Variants in FAM168B observed in about 807,000 individuals in gnomAD.
The protein encoded by FAM168B is myelin-associated neurite-outgrowth inhibitor.
A neutral mutation model predicts 21.8 loss-of-function variants in FAM168B; 19 were observed. The observed-to-expected ratio is 0.87, with a 90% CI of 0.61 to 1.28. FAM168B has a LOEUF of 1.28. Ranked by LOEUF, FAM168B falls within the 50% of genes most tolerant of loss-of-function variation. FAM168B has a pLI of 0.00. For synonymous variants in FAM168B, 126 were observed against 104.8 expected, an observed-to-expected ratio of 1.20 and a Z score of -1.24; for missense variants, 233 against 263.1, an observed-to-expected ratio of 0.89 and a Z score of 0.79.
At chr2:131,092,620 C>A (rs1349881854) in intron 1 of FAM168B, among the ~76,000 whole-genome samples, 1 of 152,278 alleles carries the variant, frequency 6.6e-6, no homozygotes, top group Middle Eastern at 3.4e-3. Flanking sequence ...ATGCACACTT[C>A]ATGTTCACAT....
rs769121141 is a variant in FAM168B, at chr2:131,051,256, G to A, written c.*1209C>T. The A allele has an allele frequency of 2.4e-4, 237 of 985,138 alleles. 1 individual carries two copies. The highest frequency in any genetic ancestry group is 2.7e-4 in the Non-Finnish European group (226 of 829,916). 61.0% of individuals were successfully genotyped at this position (985,138 alleles called of 1,614,324 possible). On this transcript the variant is annotated 3_prime_UTR_variant, in exon 7 of 7. Coordinates refer to ENST00000389915, the MANE Select transcript of FAM168B (RefSeq NM_001009993.4). ...CTCAGCAGACAAGTCACCACCATCAGGTGGGTGATCCCAGAAGCAGCTACA... is the reference window on the plus strand; with the variant it reads ...CTCAGCAGACAAGTCACCACCATCAAGTGGGTGATCCCAGAAGCAGCTACA...
In FAM168B at chr2:131,051,356, G is replaced by C; in HGVS notation, c.*1109C>G. 1.0e-6 allele frequency: 1 copy of C among 985,178 alleles called. No individual in the cohort carries two copies. Among genetic ancestry groups the C allele is most frequent in the Non-Finnish European group, 1.2e-6 (1 of 829,904 alleles). 61.0% of individuals were successfully genotyped at this position (985,178 alleles called of 1,614,324 possible). On this transcript the variant is annotated 3_prime_UTR_variant, in exon 7 of 7. Transcript: ENST00000389915. Reference sequence around the variant, plus strand: ...TTGGAGGAATTTTAAATAAAGTTTTGTTCCCTTTTAACTCATTCTTAAATA... The same window carrying C: ...TTGGAGGAATTTTAAATAAAGTTTTCTTCCCTTTTAACTCATTCTTAAATA...
At chr2:131,068,944 AAGTCGAGGCTGC>A (rs1166472972) in intron 3 of FAM168B, among the ~76,000 whole-genome samples, 1 of 152,146 alleles carries the variant, frequency 6.6e-6, no homozygotes, top group Non-Finnish European at 1.5e-5. Flanking sequence ...TGAGCCTGAA[AAGTCGAGGCTGC>A]AGTGAGGCGT....
chr2:131,082,997 G>A (rs947272796), intron 1 of FAM168B, among the ~76,000 whole-genome samples: 1 of 152,084 alleles, frequency 6.6e-6, no homozygotes, highest in Admixed American at 6.6e-5. Flanking sequence ...GAGGTGGGCA[G>A]ATCACCTGAG....
rs767891364 is a variant in FAM168B, at chr2:131,055,536, T to C, written c.297+17A>G. 4 of 1,601,976 alleles carry C rather than the reference T, an allele frequency of 2.5e-6. No individual in the cohort carries two copies. The East Asian group carries it at 6.7e-5, about 27-fold the overall frequency. On this transcript the variant is annotated intron_variant, in intron 4 of 6. Transcript: ENST00000389915. The stretch of plus-strand genomic sequence containing the variant: ...GGTATCACCCCTTCCCACACAGCAG[T>C]GTGTACCCAAGCATACCTGTGCATA...
chr2:131,087,182 C>T (rs537124345), intron 1 of FAM168B, among the ~76,000 whole-genome samples: 1 of 151,190 alleles, frequency 6.6e-6, no homozygotes, highest in Non-Finnish European at 1.5e-5. Flanking sequence ...TAAAGGGCAG[C>T]GTTAGGCCAG....
intron 5 of FAM168B, among the ~76,000 whole-genome samples, chr2:131,054,635 CAGG>C (rs1314046476): frequency 1.3e-5 from 2 of 152,172 alleles, no homozygotes; most frequent in Non-Finnish European, 1.5e-5. Context: ...ACCCAGAGAC[CAGG>C]AGGTGAATCC....
chr2:131,066,336 C>T (rs1279459515), intron 3 of FAM168B, among the ~76,000 whole-genome samples: 1 of 151,906 alleles, frequency 6.6e-6, no homozygotes, highest in African/African-American at 2.4e-5. Flanking sequence ...CCACCACACC[C>T]GGCTAATTTT....
chr2:131,083,426 G>C (rs1693521460), intron 1 of FAM168B, among the ~76,000 whole-genome samples: 1 of 152,200 alleles, frequency 6.6e-6, no homozygotes, highest in African/African-American at 2.4e-5. Context: ...TGTAATCCCA[G>C]CTACTTGGGA....
intron 1 of FAM168B, among the ~76,000 whole-genome samples, chr2:131,084,391 G>C (rs571707238): frequency 6.6e-6 from 1 of 151,270 alleles, no homozygotes; most frequent in East Asian, 2.0e-4. Context: ...ATAGAGATGA[G>C]GTTCCATCAT....
chr2:131,071,737 T>A, intron 3 of FAM168B, 118 bp downstream of exon 3: 1 of 846,792 alleles, frequency 1.2e-6, no homozygotes, highest in Non-Finnish European at 1.9e-6. Flanking sequence ...GCTAACTTAA[T>A]GAACTTGAGA....
intron 1 of FAM168B, among the ~76,000 whole-genome samples, 187 bp downstream of exon 1, chr2:131,093,027 T>G (rs988794876): frequency 1.3e-5 from 2 of 151,360 alleles, no homozygotes; most frequent in African/African-American, 4.8e-5. Flanking sequence ...CACGCGTACG[T>G]GTCCGGCCGA....
At position 131,048,512 on chromosome 2, in the gene FAM168B, C is replaced by T. The variant is rs1045631877; in HGVS notation, c.*3953G>A. On this transcript the variant is annotated 3_prime_UTR_variant, in exon 7 of 7. Coordinates refer to ENST00000389915, the MANE Select transcript of FAM168B (RefSeq NM_001009993.4). The stretch of plus-strand genomic sequence containing the variant: ...ATAAGGCTATCCCCACAGGCTCTCT[C>T]TTCTTCAAATAATGAGTAGGAAAAA... The T allele has an allele frequency of 5.6e-5, 62 of 1,106,578 alleles. No homozygotes were observed. The African/African-American group carries it at 9.8e-4, about 17-fold the overall frequency. 68.5% of individuals were successfully genotyped at this position (1,106,578 alleles called of 1,614,324 possible). A position where few individuals can be genotyped will look rare whatever the true frequency, so the allele number is the denominator to read the frequency against.
Position 131,055,621 on chromosome 2 carries a change from G to A in FAM168B, c.229C>T (p.Pro77Ser), listed in dbSNP as rs1691977960. 1.2e-6 allele frequency: 2 copies of A among 1,612,444 alleles called. No homozygotes were observed. Among genetic ancestry groups the A allele is most frequent in the African/African-American group, 2.7e-5 (2 of 75,020 alleles). Residue 77 changes from proline (P) to serine (S), a missense_variant, in exon 4 of 7, where the codon CCG (proline) becomes TCG (serine). Pro to Ser is a moderately conservative substitution (Grantham distance 74). Transcript: ENST00000389915. The part of the protein sequence containing the change: ...SGAVPPYSSS[P>S]NPYQTAVYPV... ...TACACGGCAGTCTGGTAGGGGTTCGGGGAGGAGGAGTACGGTGGCACAGCC... is the reference window on the plus strand; with the variant it reads ...TACACGGCAGTCTGGTAGGGGTTCGAGGAGGAGGAGTACGGTGGCACAGCC...
rs192794799 is a variant in FAM168B at position 131,058,551 on chromosome 2, T to C, written c.155-2856A>G. ...TCCATTTGAAGAAAGAAAAGATTCC[T>C]CCAGGGCTCCCTGTATTTTGAAATT... is the stretch of plus-strand genomic sequence containing the variant. On this transcript the variant is annotated intron_variant, in intron 3 of 6. Coordinates refer to ENST00000389915, the MANE Select transcript of FAM168B (RefSeq NM_001009993.4). 2.5e-3 allele frequency among the ~76,000 whole-genome samples: 374 copies of C among 152,304 alleles called. 4 individuals are homozygous for C. The highest frequency in any genetic ancestry group is 0.014 in the Middle Eastern group (4 of 292).
At chr2:131,075,497 TTC>T (rs1320824599) in intron 2 of FAM168B, among the ~76,000 whole-genome samples, 1 of 150,798 alleles carries the variant, frequency 6.6e-6, no homozygotes, top group East Asian at 1.9e-4. Context: ...CCCACTTTCT[TTC>T]TTTTTTTTTT....
intron 3 of FAM168B, among the ~76,000 whole-genome samples, chr2:131,061,985 G>A (rs1348362837): frequency 1.3e-5 from 2 of 152,102 alleles, no homozygotes; most frequent in Non-Finnish European, 2.9e-5. Flanking sequence ...AGAAGTTACA[G>A]TTCTATCTGA....
At chr2:131,092,637 TA>T (rs1262049724) in intron 1 of FAM168B, among the ~76,000 whole-genome samples, 11 of 152,146 alleles carry the variant, frequency 7.2e-5, no homozygotes, top group Non-Finnish European at 1.5e-4. Context: ...ACATACACTA[TA>T]AAACAGAAAT....
intron 1 of FAM168B, among the ~76,000 whole-genome samples, chr2:131,087,183 G>A (rs558343325): frequency 4.6e-5 from 7 of 151,944 alleles, no homozygotes; most frequent in South Asian, 2.1e-4. Flanking sequence ...AAAGGGCAGC[G>A]TTAGGCCAGG....
Sources: allele counts gnomAD v4.1 joint callset (sites outside exome capture counted in the v4.1 genomes callset), GRCh38; gene constraint gnomAD v4.1.1; transcripts MANE v1.5; gene names NCBI Gene and HGNC (gene_info 2026-07-23, HGNC 2026-07-21).